The following RNGTT variants were observed in gnomAD, a reference collection of about 807,000 sequenced individuals.
RNGTT encodes the protein mRNA-capping enzyme.
A neutral mutation model predicts 79.3 loss-of-function variants in RNGTT; 33 were observed. The ratio of observed to expected loss-of-function variants is 0.42; its 90% confidence interval spans 0.32 to 0.56. The LOEUF (loss-of-function observed/expected upper bound fraction) is 0.56, where lower values mean the gene tolerates loss of function less well. Ranked by LOEUF, RNGTT falls within the 20% of genes least tolerant of loss-of-function variation. RNGTT has a pLI of 0.17. For missense variants in RNGTT, 497 were observed against 739.1 expected, an observed-to-expected ratio of 0.67 and a Z score of 3.80; for synonymous variants, 222 against 235.9, an observed-to-expected ratio of 0.94 and a Z score of 0.54.
At chr6:88,638,451 GTCTACTCTTAACTAAGAAA>G (rs1773182216) in intron 14 of RNGTT, among the ~76,000 whole-genome samples, 1 of 152,054 alleles carries the variant, frequency 6.6e-6, no homozygotes, top group Non-Finnish European at 1.5e-5. Context: ...CATTTCTGAA[GTCTACTCTTAACTAAGAAA>G]TCCATTAATT....
chr6:88,827,862 T>G (rs982496122), intron 11 of RNGTT, among the ~76,000 whole-genome samples: 2 of 152,044 alleles, frequency 1.3e-5, no homozygotes, highest in African/African-American at 4.8e-5. Flanking sequence ...CTGGGCAGGG[T>G]GTCTGAAAGA....
chr6:88,693,031 C>T (rs778862678), intron 13 of RNGTT, among the ~76,000 whole-genome samples: 2 of 151,634 alleles, frequency 1.3e-5, no homozygotes, highest in African/African-American at 2.4e-5. Context: ...CAATAAACAC[C>T]TAGAGCAAAA....
At chr6:88,800,468 G>C (rs567322950) in intron 12 of RNGTT, among the ~76,000 whole-genome samples, 1 of 152,254 alleles carries the variant, frequency 6.6e-6, no homozygotes, top group East Asian at 1.9e-4. Flanking sequence ...CACCCAGTCT[G>C]ATGTCTCCAT....
chr6:88,862,764 C>G (rs1306320002), intron 8 of RNGTT, among the ~76,000 whole-genome samples: 1 of 151,984 alleles, frequency 6.6e-6, no homozygotes, highest in East Asian at 1.9e-4. Context: ...TTTAAAAGAA[C>G]ACACACACAC....
intron 11 of RNGTT, among the ~76,000 whole-genome samples, chr6:88,805,079 G>A (rs952379700): frequency 1.3e-5 from 2 of 152,166 alleles, no homozygotes; most frequent in African/African-American, 4.8e-5. Flanking sequence ...CTACACTGAT[G>A]ATAATAAAAA....
chr6:88,750,552 T>C (rs1582415395), intron 13 of RNGTT, among the ~76,000 whole-genome samples: 2 of 152,268 alleles, frequency 1.3e-5, no homozygotes, highest in African/African-American at 4.8e-5. Flanking sequence ...CCTTCTAAAA[T>C]ACAGATAATA....
chr6:88,882,485 T>C (rs1782721225), intron 8 of RNGTT, among the ~76,000 whole-genome samples: 1 of 152,222 alleles, frequency 6.6e-6, no homozygotes, highest in African/African-American at 2.4e-5. Flanking sequence ...ATTTAGTGTA[T>C]TACTAAAGTC....
At chr6:88,955,983 G>A (rs1373750528) in intron 1 of RNGTT, among the ~76,000 whole-genome samples, 2 of 144,860 alleles carry the variant, frequency 1.4e-5, no homozygotes, top group African/African-American at 5.2e-5. Context: ...AGAGGTTGCA[G>A]TGAGCCAAGA....
chr6:88,806,712 G>A (rs935139219), intron 11 of RNGTT, among the ~76,000 whole-genome samples: 9 of 152,112 alleles, frequency 5.9e-5, no homozygotes, highest in African/African-American at 2.2e-4. Flanking sequence ...AAAGGCAGAA[G>A]TATCATTTGA....
intron 11 of RNGTT, among the ~76,000 whole-genome samples, chr6:88,829,014 T>C (rs1169623998): frequency 6.6e-6 from 1 of 151,810 alleles, no homozygotes; most frequent in Non-Finnish European, 1.5e-5. Flanking sequence ...AGGCCAACAA[T>C]CAAATTCAGG....
chr6:88,879,155 G>A (rs573393525), intron 8 of RNGTT, among the ~76,000 whole-genome samples: 4 of 152,316 alleles, frequency 2.6e-5, no homozygotes, highest in Admixed American at 2.0e-4. Flanking sequence ...CCAGCACTTT[G>A]AGAGGCTGAG....
chr6:88,722,252 G>A (rs1776733757), intron 13 of RNGTT, among the ~76,000 whole-genome samples: 1 of 151,924 alleles, frequency 6.6e-6, no homozygotes, highest in African/African-American at 2.4e-5. Context: ...CAATTAAAGA[G>A]GTGATCATTA....
chr6:88,826,062 T>C lies in RNGTT; in HGVS notation c.1269+18295A>G, dbSNP rs558974513. Among the ~76,000 whole-genome samples the C allele has an allele frequency of 2.0e-5, 3 of 152,328 alleles. No homozygotes were observed. In the South Asian group the frequency reaches 6.2e-4, roughly 32 times the overall value. Reference sequence around the variant, plus strand: ...ACTTCCCCATTTCACAGCCCACACGTTCACATGTCTGAAAACAGCACTTAT... The same window carrying C: ...ACTTCCCCATTTCACAGCCCACACGCTCACATGTCTGAAAACAGCACTTAT... On this transcript the variant is annotated intron_variant, in intron 11 of 15. Transcript: ENST00000369485.
chr6:88,648,406 T>C (rs575464786), intron 14 of RNGTT, among the ~76,000 whole-genome samples: 1 of 152,098 alleles, frequency 6.6e-6, no homozygotes, highest in South Asian at 2.1e-4. Flanking sequence ...TACACCAACA[T>C]GGCACATGTA....
At chr6:88,721,659 C>G (rs1666870798) in intron 13 of RNGTT, among the ~76,000 whole-genome samples, 1 of 152,110 alleles carries the variant, frequency 6.6e-6, no homozygotes, top group Non-Finnish European at 1.5e-5. Flanking sequence ...CCTCTACCTA[C>G]TGTTTATATC....
At chr6:88,848,329 A>G (rs1484154547) in intron 10 of RNGTT, among the ~76,000 whole-genome samples, 1 of 152,080 alleles carries the variant, frequency 6.6e-6, no homozygotes, top group Non-Finnish European at 1.5e-5. Flanking sequence ...CAGAGTTTTT[A>G]AAAACACTTC....
At chr6:88,665,758 C>T (rs976023559) in intron 14 of RNGTT, among the ~76,000 whole-genome samples, 2 of 152,194 alleles carry the variant, frequency 1.3e-5, no homozygotes, top group African/African-American at 4.8e-5. Context: ...TCGAGACCTC[C>T]AAAAGTTTCC....
At chr6:88,889,162 T>C (rs1049504070) in intron 8 of RNGTT, among the ~76,000 whole-genome samples, 1 of 152,228 alleles carries the variant, frequency 6.6e-6, no homozygotes, top group African/African-American at 2.4e-5. Flanking sequence ...AATGTTATTT[T>C]CTGAATTTTG....
intron 13 of RNGTT, among the ~76,000 whole-genome samples, chr6:88,741,280 ATCATGT>A (rs1260618032): frequency 1.3e-5 from 2 of 152,148 alleles, no homozygotes; most frequent in Non-Finnish European, 2.9e-5. Flanking sequence ...AAAGAAGGAA[ATCATGT>A]CCTTTGCAGC....
Sources: allele counts gnomAD v4.1 joint callset (sites outside exome capture counted in the v4.1 genomes callset), GRCh38; gene constraint gnomAD v4.1.1; transcripts MANE v1.5; gene names NCBI Gene and HGNC (gene_info 2026-07-23, HGNC 2026-07-21).